The following TENM3 variants were observed in gnomAD, a reference collection of about 807,000 sequenced individuals.
TENM3 encodes teneurin transmembrane protein 3.
TENM3 carries 63 observed loss-of-function variants against 255.1 expected under a neutral mutation model. That is an observed-to-expected ratio of 0.25 (90% CI 0.20 to 0.30). The LOEUF is 0.30. TENM3 is among the 10% of genes least tolerant of loss of function. The pLI, the probability that TENM3 is intolerant of heterozygous loss-of-function variation, is 1.00. For missense variants in TENM3, 2,929 were observed against 3,461.1 expected (o/e 0.85, Z 3.86); for synonymous variants, 1,306 against 1,322.3 (o/e 0.99, Z 0.27).
chr4:182,388,229 C>T (rs1179384369), intron 3 of TENM3, among the ~76,000 whole-genome samples: 1 of 152,204 alleles, frequency 6.6e-6, no homozygotes, highest in Non-Finnish European at 1.5e-5. Flanking sequence ...CCAGGAACTA[C>T]TTCCCACCTG....
At chr4:182,497,219 A>AT (rs959904829) in intron 3 of TENM3, among the ~76,000 whole-genome samples, 60 of 149,624 alleles carry the variant, frequency 4.0e-4, no homozygotes, top group South Asian at 4.2e-4. Flanking sequence ...TGCCCGGCCA[A>AT]TTTTTTTTTT....
chr4:182,166,168 G>T (rs999927854), intron 1 of TENM3, among the ~76,000 whole-genome samples: 40 of 152,174 alleles, frequency 2.6e-4, no homozygotes, highest in Non-Finnish European at 4.0e-4. Flanking sequence ...ATTTAATGTG[G>T]CTGTTTCGTA....
chr4:181,795,410 C>T, the TENM3 span, among the ~76,000 whole-genome samples: 300 of 152,190 alleles, frequency 2.0e-3, 4 homozygotes, highest in African/African-American at 6.8e-3. Context: ...ACAAGGGCCC[C>T]ACCCTTATGA....
intron 3 of TENM3, among the ~76,000 whole-genome samples, chr4:182,579,026 G>A (rs1390187634): frequency 2.6e-5 from 4 of 152,060 alleles, no homozygotes; most frequent in Non-Finnish European, 2.9e-5. Context: ...TTGTGTTCTC[G>A]CTGTCTCAGG....
intron 1 of TENM3, among the ~76,000 whole-genome samples, chr4:182,314,843 A>G (rs1191673869): frequency 6.6e-6 from 1 of 152,162 alleles, no homozygotes; most frequent in African/African-American, 2.4e-5. Context: ...TTCCGTGTTC[A>G]ACTTTCCCCT....
At chr4:181,686,494 G>A in the TENM3 span, among the ~76,000 whole-genome samples, 2 of 151,932 alleles carry the variant, frequency 1.3e-5, no homozygotes, top group Non-Finnish European at 2.9e-5. Context: ...GTTCCCCATA[G>A]CCTTCTTTAT....
At chr4:181,671,954 C>G in the TENM3 span, among the ~76,000 whole-genome samples, 9 of 152,140 alleles carry the variant, frequency 5.9e-5, no homozygotes, top group East Asian at 1.4e-3. Context: ...AGGATTATTC[C>G]CTGCTTTTGT....
the TENM3 span, among the ~76,000 whole-genome samples, chr4:181,957,125 A>G: frequency 2.6e-5 from 4 of 152,230 alleles, no homozygotes; most frequent in South Asian, 8.3e-4. Context: ...GTCAATGCAC[A>G]TGCTGCATTA....
chr4:182,742,401 A>G (rs1761675564), intron 18 of TENM3, among the ~76,000 whole-genome samples: 1 of 152,218 alleles, frequency 6.6e-6, no homozygotes, highest in Non-Finnish European at 1.5e-5. Context: ...CTTCTACAAC[A>G]GTTTTGTTAT....
chr4:182,231,446 T>A (rs752235390), intron 1 of TENM3, among the ~76,000 whole-genome samples: 11 of 152,220 alleles, frequency 7.2e-5, no homozygotes, highest in Non-Finnish European at 1.3e-4. Flanking sequence ...ATTATAAATA[T>A]GGGCCAGCCA....
the TENM3 span, among the ~76,000 whole-genome samples, chr4:181,756,825 T>A: frequency 6.6e-6 from 1 of 152,206 alleles, no homozygotes; most frequent in Admixed American, 6.5e-5. Context: ...GCCTAGCTCC[T>A]TCTGTGCCCT....
the TENM3 span, among the ~76,000 whole-genome samples, chr4:181,738,286 C>T: frequency 6.6e-6 from 1 of 152,122 alleles, no homozygotes; most frequent in Non-Finnish European, 1.5e-5. Flanking sequence ...CCTAAACATC[C>T]TCCCTTAGAA....
chr4:182,614,634 C>T (rs1030746679), intron 4 of TENM3, among the ~76,000 whole-genome samples: 2 of 152,116 alleles, frequency 1.3e-5, no homozygotes, highest in South Asian at 2.1e-4. Flanking sequence ...TGCCAGTGGT[C>T]GCTGAAAAAG....
At chr4:182,190,675 C>G (rs1368722067) in intron 1 of TENM3, among the ~76,000 whole-genome samples, 2 of 151,892 alleles carry the variant, frequency 1.3e-5, no homozygotes, top group Non-Finnish European at 2.9e-5. Context: ...TTTTTTTTCT[C>G]CCATTATACT....
chr4:182,759,267 C>G (rs1762954906), intron 22 of TENM3, among the ~76,000 whole-genome samples: 1 of 152,188 alleles, frequency 6.6e-6, no homozygotes, highest in Non-Finnish European at 1.5e-5. Flanking sequence ...GGGTATAGAA[C>G]TCTCCCAACA....
upstream of TENM3, among the ~76,000 whole-genome samples, chr4:182,240,243 TA>T (rs1757156127): frequency 6.6e-6 from 1 of 152,100 alleles, no homozygotes; most frequent in South Asian, 2.1e-4. Flanking sequence ...TTGGGAACCA[TA>T]AATAGGCCTG....
At chr4:181,836,210 A>AG in the TENM3 span, among the ~76,000 whole-genome samples, 1 of 78,186 alleles carries the variant, frequency 1.3e-5, no homozygotes, top group East Asian at 3.8e-4. Flanking sequence ...CACACACACA[A>AG]CTTCCCCTTT....
chr4:182,105,465 CA>C, the TENM3 span, among the ~76,000 whole-genome samples: 1 of 152,164 alleles, frequency 6.6e-6, no homozygotes, highest in Non-Finnish European at 1.5e-5. Context: ...TCATCAGTTT[CA>C]ATAATTTGCT....
chr4:181,891,075 T>A, the TENM3 span, among the ~76,000 whole-genome samples: 1 of 152,194 alleles, frequency 6.6e-6, no homozygotes, highest in African/African-American at 2.4e-5. Flanking sequence ...GGGTGGTCAA[T>A]ACCCTTATGA....
Sources: allele counts gnomAD v4.1 joint callset (sites outside exome capture counted in the v4.1 genomes callset), GRCh38; gene constraint gnomAD v4.1.1; transcripts MANE v1.5; gene names NCBI Gene and HGNC (gene_info 2026-07-23, HGNC 2026-07-21).